Variants in SLC7A5 observed in about 807,000 individuals in gnomAD.
The protein encoded by SLC7A5 is solute carrier family 7 member 5.
A neutral mutation model predicts 50.2 loss-of-function variants in SLC7A5; 23 were observed. The observed-to-expected ratio is 0.46, with a 90% confidence interval of 0.33 to 0.65. The LOEUF (loss-of-function observed/expected upper bound fraction) is 0.65. SLC7A5 is among the 30% of genes least tolerant of loss of function. The pLI is 0.02. For missense variants in SLC7A5, 578 were observed against 684.4 expected, an observed-to-expected ratio of 0.84 and a Z score of 1.73; for synonymous variants, 393 against 330.6, an observed-to-expected ratio of 1.19 and a Z score of -2.05.
intron 1 of SLC7A5, among the ~76,000 whole-genome samples, chr16:87,854,949 T>C (rs2055296484): frequency 6.6e-6 from 1 of 152,182 alleles, no homozygotes; most frequent in Non-Finnish European, 1.5e-5. Context: ...AACATCCTCA[T>C]CTTCGGGTGG....
At chr16:87,839,852 C>G (rs1042572133) in intron 4 of SLC7A5, 27 bp from the exon 5 acceptor site, 1 of 1,612,978 alleles carries the variant, frequency 6.2e-7, no homozygotes, top group Admixed American at 1.7e-5. Context: ...CGACATGTCA[C>G]CCAACGCAGC....
chr16:87,865,051 T>G (rs2055443468), intron 1 of SLC7A5, among the ~76,000 whole-genome samples: 2 of 152,202 alleles, frequency 1.3e-5, no homozygotes, highest in Admixed American at 1.3e-4. Flanking sequence ...CCCACCAGAA[T>G]GATTGAACCC....
intron 1 of SLC7A5, among the ~76,000 whole-genome samples, chr16:87,856,703 G>A (rs975394776): frequency 1.2e-4 from 19 of 152,224 alleles, no homozygotes; most frequent in African/African-American, 4.6e-4. Context: ...TGCACATGGG[G>A]CTTTAGTAGA....
In SLC7A5 at chr16:87,868,860, C is replaced by T. The variant is rs368013043; in HGVS notation, c.538+25G>A. 1.2e-4 allele frequency: 189 copies of T among 1,578,918 alleles called. No individual in the cohort carries two copies. The South Asian group carries it at 2.1e-3, about 17-fold the overall frequency. ...GGACCCAGAGACTACGACCTCCCAACCCCCGGCCCGCGCCCCGTACTCACG... is the reference window on the plus strand; with the variant it reads ...GGACCCAGAGACTACGACCTCCCAATCCCCGGCCCGCGCCCCGTACTCACG... On this transcript the variant is annotated intron_variant, in intron 1 of 9. Coordinates refer to ENST00000261622, the MANE Select transcript of SLC7A5 (RefSeq NM_003486.7).
In SLC7A5 at chr16:87,831,174, G is replaced by C. The variant is rs975457575; in HGVS notation, c.*1796C>G. On this transcript the variant is annotated 3_prime_UTR_variant, in exon 10 of 10. Coordinates refer to ENST00000261622, the MANE Select transcript of SLC7A5 (RefSeq NM_003486.7). ...CAGTCAGTCCACCTGCCTGCTGGTG[G>C]TCCTCGGCCTCCAGACCGTGGGCTG... 3.3e-5 allele frequency: 5 copies of C among 152,268 alleles called. No individual in the cohort carries two copies. The highest frequency in any genetic ancestry group is 9.6e-5 in the African/African-American group (4 of 41,458). The allele number at this position is 152,268 out of a possible 1,614,324, so 9.4% of individuals were successfully genotyped here.
rs558613235 is a variant in SLC7A5 at position 87,861,408 on chromosome 16, G to C, written c.538+7477C>G. On this transcript the variant is annotated intron_variant, in intron 1 of 9. Coordinates refer to ENST00000261622, the MANE Select transcript of SLC7A5 (RefSeq NM_003486.7). The surrounding 1 kb of genome is among the most constrained non-coding windows in gnomAD (Gnocchi z 4.2). Reference sequence around the variant, plus strand: ...CCCCTGGCACCCACCAGACTCCCCAGGCGTGGCTTTGTGCTCCCCTATGCC... The same window carrying C: ...CCCCTGGCACCCACCAGACTCCCCACGCGTGGCTTTGTGCTCCCCTATGCC... Among the ~76,000 whole-genome samples the C allele has an allele frequency of 1.8e-4, 27 of 152,312 alleles. No individual in the cohort carries two copies. In the South Asian group the frequency reaches 5.6e-3, roughly 32 times the overall value.
At chr16:87,867,959 CA>C (rs1381778429) in intron 1 of SLC7A5, among the ~76,000 whole-genome samples, 1 of 151,150 alleles carries the variant, frequency 6.6e-6, no homozygotes. Context: ...ACTAAAAATA[CA>C]AAAAAAATTA....
chr16:87,854,826 G>A (rs924832126), intron 1 of SLC7A5, among the ~76,000 whole-genome samples: 8 of 152,242 alleles, frequency 5.3e-5, no homozygotes, highest in African/African-American at 1.9e-4. Context: ...TGGCTGGCTG[G>A]CAGGGGCTCC....
At position 87,832,316 on chromosome 16, in the gene SLC7A5, GC is replaced by G. The variant is rs960885051; in HGVS notation, c.*653del. ...CCCTGGCTCAGGATGGTGTCTCGGG[GC>G]TAGGATTATGGTCAGGAGTCCATCG... On this transcript the variant is annotated 3_prime_UTR_variant, in exon 10 of 10. Transcript: ENST00000261622. The surrounding 1 kb of genome is among the most constrained non-coding windows in gnomAD (Gnocchi z 4.6). 1.3e-5 allele frequency: 2 copies of G among 152,294 alleles called. No homozygotes were observed. Among genetic ancestry groups the G allele is most frequent in the African/African-American group, 4.8e-5 (2 of 41,450 alleles). 9.4% of individuals were successfully genotyped at this position (152,294 alleles called of 1,614,324 possible). A position where few individuals can be genotyped will look rare whatever the true frequency, so the allele number is the denominator to read the frequency against.
intron 1 of SLC7A5, among the ~76,000 whole-genome samples, chr16:87,855,376 G>A (rs2055302907): frequency 6.6e-6 from 1 of 152,042 alleles, no homozygotes; most frequent in Non-Finnish European, 1.5e-5. Context: ...GACGGGACAG[G>A]TGCATACTGC....
At chr16:87,850,958 C>G (rs1315941129) in intron 2 of SLC7A5, among the ~76,000 whole-genome samples, 3 of 152,176 alleles carry the variant, frequency 2.0e-5, no homozygotes, top group African/African-American at 7.2e-5. Context: ...AACACAGGTG[C>G]AAAGGGGCGG....
chr16:87,844,137 C>T (rs1043145595), intron 2 of SLC7A5, among the ~76,000 whole-genome samples: 3 of 150,708 alleles, frequency 2.0e-5, no homozygotes, highest in South Asian at 2.1e-4. Flanking sequence ...CCCACAGAGA[C>T]GCGAGAACAG....
chr16:87,838,667 A>G lies in SLC7A5; in HGVS notation c.1043+47T>C, dbSNP rs754423448. On this transcript the variant is annotated intron_variant, in intron 6 of 9. Transcript: ENST00000261622. ...GACATGGAACATGTTGAACCTGGCC[A>G]TGAGGCCTGGGCCTCCCTCACCTGT... 10 of 1,399,690 alleles carry G rather than the reference A, an allele frequency of 7.1e-6. No individual in the cohort carries two copies. The Admixed American group carries it at 1.3e-4, about 19-fold the overall frequency. 86.7% of individuals were successfully genotyped at this position (1,399,690 alleles called of 1,614,324 possible). A position where few individuals can be genotyped will look rare whatever the true frequency, so the allele number is the denominator to read the frequency against.
At chr16:87,858,151 G>C (rs1403471313) in intron 1 of SLC7A5, among the ~76,000 whole-genome samples, 1 of 152,214 alleles carries the variant, frequency 6.6e-6, no homozygotes, top group Non-Finnish European at 1.5e-5. Flanking sequence ...AGGCCACCCG[G>C]TGCTGAAATG....
At chr16:87,850,689 A>C (rs1406680448) in intron 2 of SLC7A5, among the ~76,000 whole-genome samples, 1 of 152,136 alleles carries the variant, frequency 6.6e-6, no homozygotes, top group Non-Finnish European at 1.5e-5. Context: ...TCCCTGCTGG[A>C]CTCAAGCAAC....
chr16:87,846,948 C>T (rs1414387101), intron 2 of SLC7A5, among the ~76,000 whole-genome samples: 3 of 152,216 alleles, frequency 2.0e-5, no homozygotes, highest in African/African-American at 7.2e-5. Flanking sequence ...GAGGCTCAGA[C>T]ACCCTGGCCG....
rs1371081960 is a variant in SLC7A5 at position 87,852,675 on chromosome 16, T to C, written c.539-826A>G. Reference sequence around the variant, plus strand: ...GTGTGTGTGTGTGTGTGTGTGTGTGTGTGTGTGTGTGTTGGGGGTTCTGTT... The same window carrying C: ...GTGTGTGTGTGTGTGTGTGTGTGTGCGTGTGTGTGTGTTGGGGGTTCTGTT... On this transcript the variant is annotated intron_variant, in intron 1 of 9. Coordinates refer to ENST00000261622, the MANE Select transcript of SLC7A5 (RefSeq NM_003486.7). The surrounding 1 kb of genome is among the most constrained non-coding windows in gnomAD (Gnocchi z 4.5). Among the ~76,000 whole-genome samples, 1 of 148,840 alleles carries C rather than the reference T, an allele frequency of 6.7e-6. No individual in the cohort carries two copies. Among genetic ancestry groups the C allele is most frequent in the Non-Finnish European group, 1.5e-5 (1 of 67,222 alleles).
In SLC7A5 at chr16:87,866,282, G is replaced by T. The variant is rs2055459770; in HGVS notation, c.538+2603C>A. Reference sequence around the variant, plus strand: ...AAATAAATAGGCCAGCGATATATTTGTAACAGAAGCAGCTCCGGAAGCATA... The same window carrying T: ...AAATAAATAGGCCAGCGATATATTTTTAACAGAAGCAGCTCCGGAAGCATA... On this transcript the variant is annotated intron_variant, in intron 1 of 9. Transcript: ENST00000261622. Among the ~76,000 whole-genome samples the T allele has an allele frequency of 2.0e-5, 3 of 152,164 alleles. No individual in the cohort carries two copies. In the South Asian group the frequency reaches 6.2e-4, roughly 31 times the overall value.
intron 2 of SLC7A5, among the ~76,000 whole-genome samples, chr16:87,850,977 T>G (rs780320146): frequency 2.6e-5 from 4 of 152,174 alleles, no homozygotes; most frequent in Non-Finnish European, 4.4e-5. Context: ...GGGGGCTGTT[T>G]CACACTCACT....
Sources: gnomAD v4.1 joint callset for allele counts (sites outside exome capture counted in the v4.1 genomes callset) on GRCh38, gnomAD v4.1.1 for gene constraint, Gnocchi (gnomAD v3.1) non-coding constraint, MANE v1.5 for transcripts, NCBI Gene and HGNC (gene_info 2026-07-23, HGNC 2026-07-21) for gene names.